Variants in PLCXD2 observed in about 807,000 individuals in gnomAD.
The protein encoded by PLCXD2 is PI-PLC X domain-containing protein 2.
In PLCXD2, 21 loss-of-function variants were observed where a neutral mutation model predicts 28.6. The observed-to-expected ratio is 0.73, with a 90% CI of 0.52 to 1.06. The LOEUF (loss-of-function observed/expected upper bound fraction) is 1.06, where lower values mean the gene tolerates loss of function less well. PLCXD2 is among the 50% of genes least tolerant of loss of function. The pLI is 0.00. For synonymous variants in PLCXD2, 140 were observed against 150.1 expected (o/e 0.93, Z 0.49); for missense variants, 369 against 376.7 (o/e 0.98, Z 0.17).
chr3:111,679,418 T>C (rs979771023), intron 1 of PLCXD2, among the ~76,000 whole-genome samples: 3 of 152,232 alleles, frequency 2.0e-5, no homozygotes, highest in African/African-American at 7.2e-5. Context: ...TATTTTTAAG[T>C]GTATGTTTTT....
chr3:111,700,407 A>G (rs1450438076), intron 1 of PLCXD2, among the ~76,000 whole-genome samples: 2 of 152,196 alleles, frequency 1.3e-5, no homozygotes, highest in Non-Finnish European at 2.9e-5. Context: ...CACCTTTCTA[A>G]GGGCTAAAAT....
In PLCXD2 at chr3:111,674,729, C is replaced by T; in HGVS notation, c.-517C>T. 1 of 152,996 alleles carries T rather than the reference C, an allele frequency of 6.5e-6. No individual in the cohort carries two copies. Among genetic ancestry groups the T allele is most frequent in the Non-Finnish European group, 1.5e-5 (1 of 68,528 alleles). 9.5% of individuals were successfully genotyped at this position (152,996 alleles called of 1,614,324 possible). ...CTTCTGTGTGTCTTTCAGGAAGCCA[C>T]AGGGCAGGGGGCGTCTGTGCAGAGA... On this transcript the variant is annotated 5_prime_UTR_variant, in exon 1 of 5. Transcript: ENST00000477665.
chr3:111,690,252 G>C (rs1940854501), intron 1 of PLCXD2, among the ~76,000 whole-genome samples: 1 of 152,172 alleles, frequency 6.6e-6, no homozygotes, highest in Admixed American at 6.5e-5. Flanking sequence ...TGTAATAAAG[G>C]GTAATTTTCT....
Position 111,708,129 on chromosome 3 carries a change from G to T in PLCXD2, c.367G>T (p.Asp123Tyr), listed in dbSNP as rs373550772. 4 of 1,614,100 alleles carry T rather than the reference G, an allele frequency of 2.5e-6. No individual in the cohort carries two copies. The African/African-American group carries it at 4.0e-5, about 16-fold the overall frequency. Residue 123 changes from aspartate (D) to tyrosine (Y), a missense_variant, in exon 2 of 5, where the codon GAT becomes TAT. Transcript: ENST00000477665. ...CCTGCGTGTGTCTTCCAAACCAGGG[G>T]ATGCCGACCAGGAGATCTACTTCAT...
At chr3:111,680,571 A>G (rs1513330) in intron 1 of PLCXD2, among the ~76,000 whole-genome samples, 140,612 of 152,174 alleles carry the variant, frequency 0.92, 65,255 homozygotes, top group Middle Eastern at 0.98. Flanking sequence ...ATAAAAAGAC[A>G]CTATGACTGT....
intron 1 of PLCXD2, chr3:111,692,564 T>C (rs1445475601): frequency 6.6e-6 from 1 of 152,236 alleles, no homozygotes; most frequent in East Asian, 1.9e-4. Context: ...GCAATATTTT[T>C]TTAAAAGCCT....
intron 3 of PLCXD2, among the ~76,000 whole-genome samples, chr3:111,718,427 T>TGCACTCCA (rs1454301022): frequency 2.0e-5 from 3 of 151,490 alleles, no homozygotes; most frequent in African/African-American, 7.3e-5. Flanking sequence ...ATCGCGCCTC[T>TGCACTCCA]GCACTCCAGC....
chr3:111,679,071 C>CAT (rs1356475751), intron 1 of PLCXD2, among the ~76,000 whole-genome samples: 4 of 150,192 alleles, frequency 2.7e-5, no homozygotes, highest in African/African-American at 9.7e-5. Context: ...CTTCATCATA[C>CAT]ATAGTTTTTT....
At chr3:111,685,145 C>T (rs1435694737) in intron 1 of PLCXD2, among the ~76,000 whole-genome samples, 1 of 152,170 alleles carries the variant, frequency 6.6e-6, no homozygotes, top group East Asian at 1.9e-4. Context: ...TAAATCTTCA[C>T]ATTTCACAAT....
intron 1 of PLCXD2, chr3:111,692,559 A>T (rs1940903651): frequency 6.6e-6 from 1 of 152,174 alleles, no homozygotes; most frequent in East Asian, 1.9e-4. Context: ...GTCCAGCAAT[A>T]TTTTTTTAAA....
intron 2 of PLCXD2, 147 bp from the exon 3 acceptor site, chr3:111,713,739 TA>T: frequency 1.1e-6 from 1 of 875,528 alleles, no homozygotes; most frequent in Non-Finnish European, 1.6e-6. Flanking sequence ...GCTGATTTCC[TA>T]AAAATATATA....
intron 3 of PLCXD2, 65 bp from the exon 4 acceptor site, chr3:111,720,658 T>C: frequency 2.4e-6 from 1 of 416,434 alleles, no homozygotes; most frequent in Non-Finnish European, 4.4e-6. Context: ...TATGTCCATG[T>C]CTGGAGAAGA....
intron 1 of PLCXD2, among the ~76,000 whole-genome samples, chr3:111,680,614 A>G (rs1265994637): frequency 6.6e-6 from 1 of 152,218 alleles, no homozygotes. Flanking sequence ...ACTCTTAAAA[A>G]GGCTCATCAT....
intron 2 of PLCXD2, among the ~76,000 whole-genome samples, chr3:111,710,028 G>C (rs1029356175): frequency 6.6e-6 from 1 of 152,144 alleles, no homozygotes; most frequent in Admixed American, 6.5e-5. Flanking sequence ...GAGCCGACAG[G>C]GTTTCCTAAT....
intron 3 of PLCXD2, chr3:111,726,079 A>G (rs1249881171): frequency 7.7e-6 from 3 of 389,314 alleles, no homozygotes; most frequent in Non-Finnish European, 1.4e-5. Context: ...AGAACTTGGG[A>G]CCAATACTTA....
At chr3:111,700,622 T>C (rs761885030) in intron 1 of PLCXD2, among the ~76,000 whole-genome samples, 1 of 152,076 alleles carries the variant, frequency 6.6e-6, no homozygotes, top group Non-Finnish European at 1.5e-5. Context: ...AAAAAAAAAT[T>C]TGTTGTTAGT....
chr3:111,706,222 A>C (rs1285293868), intron 1 of PLCXD2, among the ~76,000 whole-genome samples: 1 of 152,072 alleles, frequency 6.6e-6, no homozygotes, highest in Non-Finnish European at 1.5e-5. Context: ...TTGATTATTT[A>C]GTTTTTTTGC....
intron 3 of PLCXD2, among the ~76,000 whole-genome samples, chr3:111,717,708 T>C (rs143154308): frequency 2.6e-5 from 4 of 152,318 alleles, no homozygotes; most frequent in African/African-American, 7.2e-5. Context: ...CTCATTTCCC[T>C]GTAATGACCA....
chr3:111,719,412 G>GA lies in PLCXD2; in HGVS notation c.866+5290dup, dbSNP rs564698983. Among the ~76,000 whole-genome samples the GA allele has an allele frequency of 1.8e-3, 276 of 152,046 alleles. 2 individuals carry two copies. The highest frequency in any genetic ancestry group is 6.8e-3 in the Middle Eastern group (2 of 294). ...CTCAACAATTTTTTTAAAAGAAAAT[G>GA]AAAAAATGAGTAAAAGAATTGAACA... On this transcript the variant is annotated intron_variant, in intron 3 of 4. Coordinates refer to ENST00000477665, the MANE Select transcript of PLCXD2 (RefSeq NM_001185106.1).
Sources: gnomAD v4.1 joint callset for allele counts (sites outside exome capture counted in the v4.1 genomes callset) on GRCh38, gnomAD v4.1.1 for gene constraint, MANE v1.5 for transcripts, NCBI Gene and HGNC (gene_info 2026-07-23, HGNC 2026-07-21) for gene names.